Variants in BNIP1 observed in about 807,000 individuals in gnomAD.
The protein encoded by BNIP1 is BCL2 interacting protein 1.
In BNIP1, 25 loss-of-function variants were observed where a neutral mutation model predicts 28.5. That is an observed-to-expected ratio of 0.88 (90% CI 0.64 to 1.23). The LOEUF (loss-of-function observed/expected upper bound fraction) is 1.23. Ranked by LOEUF, BNIP1 falls within the 50% of genes most tolerant of loss-of-function variation. BNIP1 has a pLI of 0.00. For synonymous variants in BNIP1, 118 were observed against 101.7 expected (o/e 1.16, Z -0.96); for missense variants, 276 against 277.0 (o/e 1.00, Z 0.02).
Position 173,158,861 on chromosome 5 carries a change from T to C in BNIP1, c.371+16T>C. On this transcript the variant is annotated intron_variant, in intron 4 of 5. Transcript: ENST00000351486. ...TAAGGCAAAGGTACCTATTCTTTTATTTTTCTGGGCTCCGATAATAATAGA... is the reference window on the plus strand; with the variant it reads ...TAAGGCAAAGGTACCTATTCTTTTACTTTTCTGGGCTCCGATAATAATAGA... 9 of 1,596,068 alleles carry C rather than the reference T, an allele frequency of 5.6e-6. No homozygotes were observed. Among genetic ancestry groups the C allele is most frequent in the Non-Finnish European group, 7.7e-6 (9 of 1,166,146 alleles).
rs1321222127 is a variant in BNIP1 at position 173,162,948 on chromosome 5, T to C, written c.491-777T>C. On this transcript the variant is annotated intron_variant, in intron 5 of 5. Coordinates refer to ENST00000351486, the MANE Select transcript of BNIP1 (RefSeq NM_001205.3). ...GAAATACCATTTATCTCCCTGTTTC[T>C]TACCTAAATGGAAACATTTCACAGG... is the stretch of plus-strand genomic sequence containing the variant. 2.0e-5 allele frequency among the ~76,000 whole-genome samples: 3 copies of C among 152,242 alleles called. No individual in the cohort carries two copies. The East Asian group carries it at 5.8e-4, about 29-fold the overall frequency.
rs5745102 is a variant in BNIP1 at position 173,144,880 on chromosome 5, C to G, written c.84+251C>G. On this transcript the variant is annotated intron_variant, in intron 1 of 5. Coordinates refer to ENST00000351486, the MANE Select transcript of BNIP1 (RefSeq NM_001205.3). The stretch of plus-strand genomic sequence containing the variant: ...CCACTGTTCTCCGCCCCTGACTCAG[C>G]TACTGCTTCGGGGCTCGGCTTTGCC... The G allele has an allele frequency of 6.3e-3, 2,902 of 458,350 alleles. 16 individuals carry two copies. Among genetic ancestry groups the G allele is most frequent in the Middle Eastern group, 0.012 (21 of 1,710 alleles). The allele number at this position is 458,350 out of a possible 1,614,324, so 28.4% of individuals were successfully genotyped here.
At chr5:173,163,627 A>T in intron 5 of BNIP1, 98 bp from the exon 6 acceptor site, 9 of 1,138,886 alleles carry the variant, frequency 7.9e-6, no homozygotes, top group Non-Finnish European at 1.1e-5. Flanking sequence ...AACTCACTTG[A>T]GAATGCTGGT....
At chr5:173,163,477 C>G (rs961526959) in intron 5 of BNIP1, among the ~76,000 whole-genome samples, 1 of 152,158 alleles carries the variant, frequency 6.6e-6, no homozygotes, top group Non-Finnish European at 1.5e-5. Flanking sequence ...CCTCTTCTGC[C>G]CTTCTCCCTG....
At chr5:173,147,059 T>A in intron 2 of BNIP1, 101 bp downstream of exon 2, 1 of 890,028 alleles carries the variant, frequency 1.1e-6, no homozygotes, top group Non-Finnish European at 1.8e-6. Context: ...ATGGGAGCAG[T>A]AAACACTTAG....
chr5:173,163,366 C>T (rs756879189), intron 5 of BNIP1, among the ~76,000 whole-genome samples: 1 of 152,248 alleles, frequency 6.6e-6, no homozygotes, highest in Non-Finnish European at 1.5e-5. Context: ...ACAGACCTCA[C>T]AGTGCCTGCC....
chr5:173,162,726 G>A (rs1372574264), intron 5 of BNIP1, among the ~76,000 whole-genome samples: 1 of 152,036 alleles, frequency 6.6e-6, no homozygotes, highest in African/African-American at 2.4e-5. Flanking sequence ...CAGCAGCCTC[G>A]CATGTCTAGG....
chr5:173,147,082 ACT>A, intron 2 of BNIP1, 124 bp downstream of exon 2: 1 of 735,164 alleles, frequency 1.4e-6, no homozygotes, highest in East Asian at 2.7e-5. Flanking sequence ...AGGGAGGGTG[ACT>A]CTGTACTAAC....
At chr5:173,153,731 T>C (rs1250637036) in intron 2 of BNIP1, among the ~76,000 whole-genome samples, 1 of 152,112 alleles carries the variant, frequency 6.6e-6, no homozygotes, top group Non-Finnish European at 1.5e-5. Flanking sequence ...AGATGGACAT[T>C]TTTTTATACC....
At chr5:173,161,107 C>A (rs1760350275) in intron 5 of BNIP1, 1 of 258,472 alleles carries the variant, frequency 3.9e-6, no homozygotes, top group South Asian at 4.5e-5. Flanking sequence ...TCAGCCCATC[C>A]CCCATCTGGA....
intron 4 of BNIP1, among the ~76,000 whole-genome samples, chr5:173,159,256 C>T (rs977387580): frequency 1.3e-5 from 2 of 152,132 alleles, no homozygotes; most frequent in African/African-American, 2.4e-5. Context: ...CCAGGCTGGT[C>T]TTGAACTCCT....
In BNIP1 at chr5:173,162,490, G is replaced by A. The variant is rs1021254632; in HGVS notation, c.491-1235G>A. Among the ~76,000 whole-genome samples the A allele has an allele frequency of 7.2e-5, 11 of 152,156 alleles. No homozygotes were observed. The East Asian group carries it at 1.7e-3, about 24-fold the overall frequency. ...AATACAAAAAGAAAATTAGCTGGGC[G>A]TGGTGGTGCATGCCTGTAGTCCCAG... is the stretch of plus-strand genomic sequence containing the variant. On this transcript the variant is annotated intron_variant, in intron 5 of 5. Coordinates refer to ENST00000351486, the MANE Select transcript of BNIP1 (RefSeq NM_001205.3).
intron 2 of BNIP1, among the ~76,000 whole-genome samples, chr5:173,149,097 G>A (rs5745118): frequency 0.092 from 14,033 of 152,164 alleles, 783 homozygotes; most frequent in South Asian, 0.15. Context: ...ACTTCTGGAG[G>A]TCTCTTAGAA....
chr5:173,145,473 C>T (rs1318545386), intron 1 of BNIP1, among the ~76,000 whole-genome samples: 1 of 152,252 alleles, frequency 6.6e-6, no homozygotes, highest in Non-Finnish European at 1.5e-5. Flanking sequence ...GCGATCTCGA[C>T]TCGCGGCAAG....
rs1165125991 is a variant in BNIP1, at chr5:173,154,349, G to C, written c.205G>C (p.Asp69His). Reference sequence around the variant, plus strand: ...CCTGGAGCAGTTGGCTAAAGAGCAAGACAAAGAATCAGAGAAACAACTTCT... The same window carrying C: ...CCTGGAGCAGTTGGCTAAAGAGCAACACAAAGAATCAGAGAAACAACTTCT... ...QDLEQLAKEQ[D>H]KESEKQLLLQ... Residue 69 changes from aspartate (D) to histidine (H), a missense_variant, in exon 3 of 6, where the codon GAC becomes CAC. Coordinates refer to ENST00000351486, the MANE Select transcript of BNIP1 (RefSeq NM_001205.3). The C allele has an allele frequency of 6.2e-7, 1 of 1,613,934 alleles. No individual in the cohort carries two copies. The highest frequency in any genetic ancestry group is 8.5e-7 in the Non-Finnish European group (1 of 1,179,920).
intron 2 of BNIP1, among the ~76,000 whole-genome samples, chr5:173,153,563 T>C (rs1307502452): frequency 6.6e-6 from 1 of 152,098 alleles, no homozygotes; most frequent in Non-Finnish European, 1.5e-5. Flanking sequence ...TTCATGGAGT[T>C]TCACGAACCA....
intron 5 of BNIP1, 71 bp from the exon 6 acceptor site, chr5:173,163,654 G>T: frequency 7.1e-7 from 1 of 1,408,328 alleles, no homozygotes; most frequent in Admixed American, 2.2e-5. Flanking sequence ...CAGCACCCCA[G>T]CCAGCAGAGT....
chr5:173,162,132 G>T (rs891960354), intron 5 of BNIP1, among the ~76,000 whole-genome samples: 1 of 152,102 alleles, frequency 6.6e-6, no homozygotes, highest in Non-Finnish European at 1.5e-5. Context: ...CCATAGAAAC[G>T]CAACAGCAGC....
At chr5:173,156,451 T>C (rs1760188161) in intron 3 of BNIP1, among the ~76,000 whole-genome samples, 1 of 151,612 alleles carries the variant, frequency 6.6e-6, no homozygotes, top group South Asian at 2.1e-4. Flanking sequence ...AAGACCATCC[T>C]GGGCAACAAA....
Sources: gnomAD v4.1 joint callset for allele counts (sites outside exome capture counted in the v4.1 genomes callset) on GRCh38, gnomAD v4.1.1 for gene constraint, MANE v1.5 for transcripts, NCBI Gene and HGNC (gene_info 2026-07-23, HGNC 2026-07-21) for gene names.